MACROD2: variants seen among roughly 807,000 people sequenced by gnomAD.
MACROD2 encodes ADP-ribose glycohydrolase MACROD2.
In MACROD2, 36 loss-of-function variants were observed where a neutral mutation model predicts 70.4. That is an observed-to-expected ratio of 0.51 (90% CI 0.39 to 0.68). MACROD2 has a LOEUF of 0.68. MACROD2 is among the 30% of genes least tolerant of loss of function. The probability of loss-of-function intolerance (pLI) is 0.00; values close to 1 mark genes in which losing one functional copy is unlikely to be tolerated. For synonymous variants in MACROD2, 172 were observed against 178.8 expected, an observed-to-expected ratio of 0.96 and a Z score of 0.30; for missense variants, 496 against 538.4, an observed-to-expected ratio of 0.92 and a Z score of 0.78.
At chr20:15,786,229 G>A (rs1248800787) in intron 8 of MACROD2, among the ~76,000 whole-genome samples, 1 of 149,320 alleles carries the variant, frequency 6.7e-6, no homozygotes, top group Non-Finnish European at 1.5e-5. Flanking sequence ...ACAGTCAAAA[G>A]ATATCCAGTG....
chr20:15,016,598 C>T lies in MACROD2; in HGVS notation c.419-213342C>T, dbSNP rs1255386248. Among the ~76,000 whole-genome samples, 5 of 152,176 alleles carry T rather than the reference C, an allele frequency of 3.3e-5. No individual in the cohort carries two copies. The East Asian group carries it at 9.7e-4, about 29-fold the overall frequency. On this transcript the variant is annotated intron_variant, in intron 5 of 17. Coordinates refer to ENST00000684519, the MANE Select transcript of MACROD2 (RefSeq NM_001351661.2). Reference sequence around the variant, plus strand: ...GTTGTTTAAAAGAGCCTGGCACGTCCCCCCTCTCTCTCTCTTGCTTCCTCT... The same window carrying T: ...GTTGTTTAAAAGAGCCTGGCACGTCTCCCCTCTCTCTCTCTTGCTTCCTCT...
chr20:14,263,172 G>A (rs2082114609), intron 3 of MACROD2, among the ~76,000 whole-genome samples: 1 of 152,092 alleles, frequency 6.6e-6, no homozygotes. Context: ...ATATGGACAT[G>A]GATAGGCATA....
intron 6 of MACROD2, among the ~76,000 whole-genome samples, chr20:15,256,803 C>G (rs2077203526): frequency 6.6e-6 from 1 of 151,948 alleles, no homozygotes; most frequent in Non-Finnish European, 1.5e-5. Flanking sequence ...ACAGAAATTT[C>G]CTAACAATAT....
At chr20:15,771,117 C>A (rs980775558) in intron 8 of MACROD2, among the ~76,000 whole-genome samples, 4 of 152,114 alleles carry the variant, frequency 2.6e-5, no homozygotes, top group Non-Finnish European at 5.9e-5. Context: ...AGAGGGAACA[C>A]ACCATCAAAA....
chr20:15,167,971 G>A (rs201017149), intron 5 of MACROD2, among the ~76,000 whole-genome samples: 1 of 152,130 alleles, frequency 6.6e-6, no homozygotes, highest in East Asian at 1.9e-4. Flanking sequence ...TAGATACGAA[G>A]TATACAAGGT....
At chr20:15,832,668 AG>A (rs982825477) in intron 8 of MACROD2, among the ~76,000 whole-genome samples, 1 of 152,244 alleles carries the variant, frequency 6.6e-6, no homozygotes, top group African/African-American at 2.4e-5. Flanking sequence ...CCATGTCACC[AG>A]GGACATGTGC....
chr20:14,042,206 T>C (rs1010833549), intron 2 of MACROD2, among the ~76,000 whole-genome samples: 4 of 152,164 alleles, frequency 2.6e-5, no homozygotes, highest in African/African-American at 9.7e-5. Flanking sequence ...TAGAGAAGGT[T>C]GTAGAATCCA....
chr20:14,429,195 T>A (rs1242010527), intron 3 of MACROD2, among the ~76,000 whole-genome samples: 1 of 152,178 alleles, frequency 6.6e-6, no homozygotes, highest in East Asian at 1.9e-4. Context: ...AGGTACAGGT[T>A]CTAAGGTTGT....
intron 5 of MACROD2, among the ~76,000 whole-genome samples, chr20:15,171,229 C>G (rs929181950): frequency 2.0e-5 from 3 of 151,870 alleles, no homozygotes; most frequent in Non-Finnish European, 2.9e-5. Flanking sequence ...CCATCACTTT[C>G]CCTCCATCTC....
At chr20:15,433,415 A>T (rs2046388096) in intron 7 of MACROD2, among the ~76,000 whole-genome samples, 1 of 145,288 alleles carries the variant, frequency 6.9e-6, no homozygotes, top group African/African-American at 2.6e-5. Flanking sequence ...ACAACAACCA[A>T]GTTGAGAATC....
chr20:14,915,135 C>A (rs1326281726), intron 5 of MACROD2, among the ~76,000 whole-genome samples: 1 of 152,132 alleles, frequency 6.6e-6, no homozygotes, highest in African/African-American at 2.4e-5. Context: ...AGTCTTATTG[C>A]AAACACATGC....
At chr20:15,940,935 T>C (rs2065742756) in intron 12 of MACROD2, among the ~76,000 whole-genome samples, 1 of 152,196 alleles carries the variant, frequency 6.6e-6, no homozygotes. Flanking sequence ...TGGCAGAGTT[T>C]AAGAAACATG....
At chr20:16,022,006 G>T (rs548902789) in intron 15 of MACROD2, among the ~76,000 whole-genome samples, 2 of 150,882 alleles carry the variant, frequency 1.3e-5, no homozygotes, top group South Asian at 4.2e-4. Flanking sequence ...CAAAAAGTAG[G>T]TCATTTTAGT....
chr20:14,512,748 G>T (rs192581746), intron 4 of MACROD2, among the ~76,000 whole-genome samples: 2 of 152,144 alleles, frequency 1.3e-5, no homozygotes, highest in Non-Finnish European at 1.5e-5. Flanking sequence ...CTCACATTAT[G>T]CAGTCGCTGG....
chr20:15,898,562 A>AAC (rs1342705791), intron 10 of MACROD2, among the ~76,000 whole-genome samples: 1 of 151,092 alleles, frequency 6.6e-6, no homozygotes, highest in Admixed American at 6.6e-5. Context: ...AAAAAAAAAA[A>AAC]AAAAAAAACA....
At chr20:14,292,122 C>T (rs1678089226) in intron 3 of MACROD2, among the ~76,000 whole-genome samples, 1 of 151,876 alleles carries the variant, frequency 6.6e-6, no homozygotes. Context: ...TTGCCTAAAG[C>T]TATCCCTGGA....
chr20:14,185,858 A>G (rs761510718), intron 3 of MACROD2, among the ~76,000 whole-genome samples: 1 of 152,240 alleles, frequency 6.6e-6, no homozygotes, highest in Non-Finnish European at 1.5e-5. Context: ...ACCACTTAGC[A>G]TACACATAGT....
chr20:14,829,195 C>T (rs148727835), intron 5 of MACROD2, among the ~76,000 whole-genome samples: 2,796 of 144,196 alleles, frequency 0.019, 99 homozygotes, highest in African/African-American at 0.068. Flanking sequence ...AGTGGCACAA[C>T]CTCCCCTCAC....
rs114411794 is a variant in MACROD2 at position 14,582,768 on chromosome 20, T to C, written c.301+89260T>C. 5.4e-3 allele frequency among the ~76,000 whole-genome samples: 817 copies of C among 152,230 alleles called. 16 individuals are homozygous for C. The highest frequency in any genetic ancestry group is 0.019 in the African/African-American group (770 of 41,546). On this transcript the variant is annotated intron_variant, in intron 4 of 17. Coordinates refer to ENST00000684519, the MANE Select transcript of MACROD2 (RefSeq NM_001351661.2). Reference sequence around the variant, plus strand: ...TTTTTTCCTCCAGCATTGAAACCAATTGCCATTTCTTTGTTGAGCATCAGA... The same window carrying C: ...TTTTTTCCTCCAGCATTGAAACCAACTGCCATTTCTTTGTTGAGCATCAGA...
Sources: gnomAD v4.1 joint callset for allele counts (sites outside exome capture counted in the v4.1 genomes callset) on GRCh38, gnomAD v4.1.1 for gene constraint, MANE v1.5 for transcripts, NCBI Gene and HGNC (gene_info 2026-07-23, HGNC 2026-07-21) for gene names.